The following PRPSAP2 variants were observed in gnomAD, a reference collection of about 807,000 sequenced individuals.
The protein encoded by PRPSAP2 is phosphoribosyl pyrophosphate synthetase associated protein 2, also known as phosphoribosyl pyrophosphate synthase-associated protein 2.
A neutral mutation model predicts 40.6 loss-of-function variants in PRPSAP2; 24 were observed. The observed-to-expected ratio is 0.59, with a 90% confidence interval of 0.43 to 0.83. PRPSAP2 has a LOEUF of 0.83. Ranked by LOEUF, PRPSAP2 falls within the 40% of genes least tolerant of loss-of-function variation. The pLI, the probability that PRPSAP2 is intolerant of heterozygous loss-of-function variation, is 0.00. For synonymous variants in PRPSAP2, 149 were observed against 164.7 expected, an observed-to-expected ratio of 0.90 and a Z score of 0.73; for missense variants, 292 against 465.6, an observed-to-expected ratio of 0.63 and a Z score of 3.43.
intron 10 of PRPSAP2, among the ~76,000 whole-genome samples, chr17:18,927,480 A>G (rs2042034584): frequency 6.6e-6 from 1 of 152,186 alleles, no homozygotes; most frequent in Admixed American, 6.5e-5. Flanking sequence ...GTATATTAAT[A>G]TGTTATTCCT....
At chr17:18,864,898 G>A (rs1171374926) in intron 1 of PRPSAP2, 1 of 152,214 alleles carries the variant, frequency 6.6e-6, no homozygotes, top group African/African-American at 2.4e-5. Context: ...CAGGCTGGAA[G>A]TGCAGTGGCA....
chr17:18,886,395 G>A lies in PRPSAP2; in HGVS notation c.529-3427G>A, dbSNP rs376795906. ...TTTTGAGACGGAGTCTCACTCTGTC[G>A]CCCAGGCTGGAGTGCAGTGGCGCAA... On this transcript the variant is annotated intron_variant, in intron 7 of 11. Coordinates refer to ENST00000268835, the MANE Select transcript of PRPSAP2 (RefSeq NM_002767.4). 3.6e-4 allele frequency among the ~76,000 whole-genome samples: 54 copies of A among 149,986 alleles called. No individual in the cohort carries two copies. The East Asian group carries it at 4.1e-3, about 11-fold the overall frequency.
intron 8 of PRPSAP2, among the ~76,000 whole-genome samples, chr17:18,910,409 G>A (rs1294810411): frequency 6.6e-6 from 1 of 152,062 alleles, no homozygotes; most frequent in Non-Finnish European, 1.5e-5. Context: ...GGGCGACAGA[G>A]CAAGACTCCA....
At chr17:18,930,441 G>T in intron 11 of PRPSAP2, 99 bp from the exon 12 acceptor site, 1 of 1,167,042 alleles carries the variant, frequency 8.6e-7, no homozygotes, top group African/African-American at 1.5e-5. Context: ...TTTTCCTGTC[G>T]TGGCAAGCCT....
intron 6 of PRPSAP2, among the ~76,000 whole-genome samples, chr17:18,881,437 C>T (rs947916268): frequency 3.3e-5 from 5 of 149,478 alleles, no homozygotes; most frequent in Non-Finnish European, 7.4e-5. Flanking sequence ...GAGGTTTCGC[C>T]ATGTTGGCCA....
At chr17:18,877,055 G>A (rs1014305922) in intron 5 of PRPSAP2, among the ~76,000 whole-genome samples, 1 of 152,186 alleles carries the variant, frequency 6.6e-6, no homozygotes, top group Non-Finnish European at 1.5e-5. Flanking sequence ...GGGACGTGAG[G>A]CTGGGGAGAA....
At position 18,889,805 on chromosome 17, in the gene PRPSAP2, C is replaced by A. The variant is rs1484263631; in HGVS notation, c.529-17C>A. 5 of 1,602,118 alleles carry A rather than the reference C, an allele frequency of 3.1e-6. No homozygotes were observed. Among genetic ancestry groups the A allele is most frequent in the Non-Finnish European group, 4.3e-6 (5 of 1,173,598 alleles). ...TTTGTTGACATGCAGTAATACCTGA[C>A]TTCTTGTCTGTCACAGATCCCAGAT... On this transcript the variant is annotated splice_polypyrimidine_tract_variant and intron_variant, in intron 7 of 11. Coordinates refer to ENST00000268835, the MANE Select transcript of PRPSAP2 (RefSeq NM_002767.4).
chr17:18,926,261 T>C (rs986675073), intron 10 of PRPSAP2, among the ~76,000 whole-genome samples: 71 of 132,782 alleles, frequency 5.3e-4, no homozygotes, highest in Admixed American at 3.1e-3. Flanking sequence ...ATTTATTTAT[T>C]TATTTATTTC....
At position 18,911,121 on chromosome 17, in the gene PRPSAP2, G is replaced by A. The variant is rs760877047; in HGVS notation, c.603G>A (p.Glu201=). The change falls in exon 9 of 12, where the codon GAG becomes GAA. Residue 201 remains glutamate (E), a synonymous_variant. Coordinates refer to ENST00000268835, the MANE Select transcript of PRPSAP2 (RefSeq NM_002767.4). The surrounding 1 kb of genome is among the most constrained non-coding windows in gnomAD (Gnocchi z 4.5). ...ASAKRAQSFA[E]RLRLGIAVIH... is the part of the protein sequence containing the mutation. Reference sequence around the variant, plus strand: ...CCCTCAGGGCACAGTCTTTTGCTGAGCGCCTGCGCCTGGGAATTGCAGTGA... The same window carrying A: ...CCCTCAGGGCACAGTCTTTTGCTGAACGCCTGCGCCTGGGAATTGCAGTGA... The A allele has an allele frequency of 6.2e-7, 1 of 1,612,274 alleles. No individual in the cohort carries two copies. The highest frequency in any genetic ancestry group is 8.5e-7 in the Non-Finnish European group (1 of 1,178,978).
rs764186666 is a variant in PRPSAP2, at chr17:18,889,849, G to A, written c.556G>A (p.Val186Met). 138 of 1,610,048 alleles carry A rather than the reference G, an allele frequency of 8.6e-5. No individual in the cohort carries two copies. Among genetic ancestry groups the A allele is most frequent in the Admixed American group, 2.7e-4 (16 of 59,424 alleles). ...EIPDYRNAVI[V>M]AKSPASAKRA... ...CCCAGATTACAGGAATGCAGTAATC[G>A]TGGCCAAGTCTCCAGCCTCGGCGAA... The change falls in exon 8 of 12, where the codon GTG becomes ATG. Residue 186 changes from valine to methionine, a missense_variant. Physicochemically the swap from Val to Met is conservative, Grantham distance 21. This residue lies in a region of PRPSAP2 where 241 missense variants were observed against 425.7 expected (regional missense o/e 0.57). Transcript: ENST00000268835.
chr17:18,913,167 C>G (rs921338889), intron 9 of PRPSAP2, among the ~76,000 whole-genome samples: 1 of 152,216 alleles, frequency 6.6e-6, no homozygotes, highest in Non-Finnish European at 1.5e-5. Context: ...TGGGGTCTCT[C>G]TGGTGGCCCT....
At chr17:18,872,796 TG>T in intron 5 of PRPSAP2, 147 bp downstream of exon 5, 1 of 639,620 alleles carries the variant, frequency 1.6e-6, no homozygotes, top group Non-Finnish European at 2.7e-6. Flanking sequence ...CTAAGTTTTC[TG>T]ACATAACTGC....
rs542756975 is a variant in PRPSAP2, at chr17:18,890,174, T to A, written c.584+297T>A. Reference sequence around the variant, plus strand: ...ATTATTATTATTTATTTTATTTTATTTCTTTATTTTTTGAGATGGAGTTTC... The same window carrying A: ...ATTATTATTATTTATTTTATTTTATATCTTTATTTTTTGAGATGGAGTTTC... On this transcript the variant is annotated intron_variant, in intron 8 of 11. Coordinates refer to ENST00000268835, the MANE Select transcript of PRPSAP2 (RefSeq NM_002767.4). Among the ~76,000 whole-genome samples, 7 of 151,664 alleles carry A rather than the reference T, an allele frequency of 4.6e-5. No homozygotes were observed. The East Asian group carries it at 1.3e-3, about 29-fold the overall frequency.
intron 8 of PRPSAP2, among the ~76,000 whole-genome samples, chr17:18,910,856 C>T (rs1263918903): frequency 6.6e-6 from 1 of 152,190 alleles, no homozygotes; most frequent in Non-Finnish European, 1.5e-5. Context: ...CTCTCCCGGC[C>T]AGTGGCTTGC....
intron 8 of PRPSAP2, among the ~76,000 whole-genome samples, chr17:18,902,800 C>T (rs1341371100): frequency 3.6e-5 from 5 of 137,368 alleles, no homozygotes; most frequent in Non-Finnish European, 6.0e-5. Context: ...ACCTGGGAGG[C>T]AGAGGTTGCA....
chr17:18,888,949 G>A (rs1020561523), intron 7 of PRPSAP2, among the ~76,000 whole-genome samples: 1 of 152,176 alleles, frequency 6.6e-6, no homozygotes, highest in Non-Finnish European at 1.5e-5. Flanking sequence ...TCCTTTAATT[G>A]TTATTAACTG....
chr17:18,899,545 T>G lies in PRPSAP2; in HGVS notation c.584+9668T>G, dbSNP rs988481957. Among the ~76,000 whole-genome samples, 972 of 108,350 alleles carry G rather than the reference T, an allele frequency of 9.0e-3. 5 individuals are homozygous for G. The highest frequency in any genetic ancestry group is 0.015 in the Non-Finnish European group (801 of 53,266). The allele number at this position is 108,350 out of a possible 152,430, so 71.1% of individuals were successfully genotyped here. A position where few individuals can be genotyped will look rare whatever the true frequency, so the allele number is the denominator to read the frequency against. On this transcript the variant is annotated intron_variant, in intron 8 of 11. Transcript: ENST00000268835. The stretch of plus-strand genomic sequence containing the variant: ...TTTTTTTTTTTTTTTTTTTTTTTTT[T>G]GAGACAGGGTCTCACCTCTGTTGCC...
intron 4 of PRPSAP2, among the ~76,000 whole-genome samples, chr17:18,870,682 A>T (rs970347336): frequency 2.0e-5 from 3 of 151,950 alleles, no homozygotes; most frequent in Admixed American, 6.6e-5. Flanking sequence ...GGTGGCACAC[A>T]GCTGTAATCC....
intron 11 of PRPSAP2, among the ~76,000 whole-genome samples, chr17:18,929,389 A>AATAATG (rs2042141623): frequency 1.3e-5 from 2 of 150,912 alleles, no homozygotes; most frequent in Non-Finnish European, 3.0e-5. Flanking sequence ...TAATAATAAT[A>AATAATG]ATGTGTACAA....
Sources: gnomAD v4.1 joint callset for allele counts (sites outside exome capture counted in the v4.1 genomes callset) on GRCh38, gnomAD v4.1.1 for gene constraint, gnomAD v4.1.1 regional missense constraint, Gnocchi (gnomAD v3.1) non-coding constraint, MANE v1.5 for transcripts, NCBI Gene and HGNC (gene_info 2026-07-23, HGNC 2026-07-21) for gene names.